Variants in LPP observed in about 807,000 individuals in gnomAD.
The protein encoded by LPP is LIM domain containing preferred translocation partner in lipoma.
In LPP, 38 loss-of-function variants were observed where a neutral mutation model predicts 60.4. That is an observed-to-expected ratio of 0.63 (90% CI 0.49 to 0.83). The LOEUF is 0.83. LPP is among the 40% of genes least tolerant of loss of function. LPP has a pLI of 0.00. For missense variants in LPP, 902 were observed against 783.6 expected (o/e 1.15, Z -1.80); for synonymous variants, 328 against 290.8 (o/e 1.13, Z -1.30).
At chr3:188,187,471 T>C (rs1726942213) in intron 1 of LPP, among the ~76,000 whole-genome samples, 1 of 152,138 alleles carries the variant, frequency 6.6e-6, no homozygotes, top group Admixed American at 6.5e-5. Context: ...AAGCTTCTTA[T>C]TATAATTTCT....
intron 6 of LPP, among the ~76,000 whole-genome samples, chr3:188,586,382 C>T (rs1022968889): frequency 6.6e-5 from 10 of 152,104 alleles, no homozygotes; most frequent in Non-Finnish European, 1.2e-4. Flanking sequence ...CTGCAGGGAA[C>T]AGTACAAGCA....
chr3:188,331,254 A>C lies in LPP; in HGVS notation c.-66-10409A>C, dbSNP rs187829497. ...TATCTGGAGATCTGAGCTTTTATGT[A>C]TCTCCCACTATTGGGCTGCTAAATC... On this transcript the variant is annotated intron_variant, in intron 2 of 11. Transcript: ENST00000617246. Among the ~76,000 whole-genome samples, 36 of 152,134 alleles carry C rather than the reference A, an allele frequency of 2.4e-4. 1 individual carries two copies. Among genetic ancestry groups the C allele is most frequent in the African/African-American group, 8.4e-4 (35 of 41,506 alleles).
intron 6 of LPP, among the ~76,000 whole-genome samples, chr3:188,597,987 G>T (rs1451006369): frequency 6.6e-6 from 1 of 152,076 alleles, no homozygotes; most frequent in Non-Finnish European, 1.5e-5. Flanking sequence ...CTATTAAAGA[G>T]ACATTAATGG....
intron 9 of LPP, among the ~76,000 whole-genome samples, chr3:188,843,884 G>C (rs73199032): frequency 0.12 from 18,011 of 151,614 alleles, 1,532 homozygotes; most frequent in Non-Finnish European, 0.18. Flanking sequence ...CAAAGCATTG[G>C]ATTACTTGAG....
intron 4 of LPP, among the ~76,000 whole-genome samples, chr3:188,437,472 G>A (rs1792620674): frequency 6.6e-6 from 1 of 152,172 alleles, no homozygotes. Context: ...GTACACAAAT[G>A]ACTTTATAAC....
At chr3:188,353,211 G>A (rs2150834040) in intron 3 of LPP, among the ~76,000 whole-genome samples, 1 of 152,254 alleles carries the variant, frequency 6.6e-6, no homozygotes, top group South Asian at 2.1e-4. Flanking sequence ...ACTTAAATGG[G>A]CCTTTCTCCC....
intron 9 of LPP, among the ~76,000 whole-genome samples, chr3:188,857,492 G>A (rs935291499): frequency 6.6e-6 from 1 of 152,184 alleles, no homozygotes; most frequent in Non-Finnish European, 1.5e-5. Context: ...GATTGCTCTG[G>A]AGATTAGACG....
intron 3 of LPP, among the ~76,000 whole-genome samples, chr3:188,365,971 G>T (rs950574355): frequency 3.9e-5 from 6 of 152,104 alleles, no homozygotes; most frequent in African/African-American, 1.4e-4. Context: ...TACAGCCACC[G>T]CACTGTGTAT....
chr3:188,423,004 G>T (rs1471027994), intron 4 of LPP, among the ~76,000 whole-genome samples: 1 of 150,604 alleles, frequency 6.6e-6, no homozygotes, highest in African/African-American at 2.4e-5. Flanking sequence ...GAACGTGCAG[G>T]TTTGTTACAT....
chr3:188,253,854 A>AT (rs1451835828), intron 2 of LPP, among the ~76,000 whole-genome samples: 1 of 152,010 alleles, frequency 6.6e-6, no homozygotes, highest in African/African-American at 2.4e-5. Context: ...GGCTGCATAA[A>AT]TTTTCTGTGA....
chr3:188,852,307 T>G (rs1255951692), intron 9 of LPP, among the ~76,000 whole-genome samples: 1 of 152,206 alleles, frequency 6.6e-6, no homozygotes, highest in Non-Finnish European at 1.5e-5. Context: ...GAACAGCTAG[T>G]CTGGAACAAC....
intron 9 of LPP, among the ~76,000 whole-genome samples, chr3:188,781,680 G>A (rs898337500): frequency 9.2e-5 from 14 of 151,438 alleles, no homozygotes; most frequent in African/African-American, 3.4e-4. Flanking sequence ...TCAGGAGATC[G>A]AGATCATCCT....
At chr3:188,810,952 G>A (rs114332781) in intron 9 of LPP, among the ~76,000 whole-genome samples, 3,140 of 152,116 alleles carry the variant, frequency 0.021, 50 homozygotes, top group Non-Finnish European at 0.035. Flanking sequence ...TTAGGTTCAT[G>A]ACAACAAGGA....
chr3:188,189,963 A>G (rs1257336785), intron 1 of LPP, among the ~76,000 whole-genome samples: 1 of 151,668 alleles, frequency 6.6e-6, no homozygotes, highest in African/African-American at 2.4e-5. Flanking sequence ...GCAGGCACGT[A>G]TTGGGTGCAT....
chr3:188,455,541 A>T (rs1797544740), intron 4 of LPP, among the ~76,000 whole-genome samples: 1 of 152,220 alleles, frequency 6.6e-6, no homozygotes, highest in South Asian at 2.1e-4. Context: ...CATTTGAGTC[A>T]GTGCTATTTT....
chr3:188,697,387 T>C (rs1038554699), intron 7 of LPP, among the ~76,000 whole-genome samples: 1 of 152,214 alleles, frequency 6.6e-6, no homozygotes. Flanking sequence ...AGCGTCATAT[T>C]TGCATATTAA....
intron 9 of LPP, among the ~76,000 whole-genome samples, chr3:188,807,952 A>C (rs1206261167): frequency 6.6e-6 from 1 of 152,178 alleles, no homozygotes; most frequent in Non-Finnish European, 1.5e-5. Flanking sequence ...ATTATATAGG[A>C]TAATAAAGAT....
At chr3:188,431,052 C>A (rs1280918793) in intron 4 of LPP, among the ~76,000 whole-genome samples, 1 of 152,018 alleles carries the variant, frequency 6.6e-6, no homozygotes, top group African/African-American at 2.4e-5. Context: ...TATTCCTAAG[C>A]AGCTTATCTC....
intron 8 of LPP, among the ~76,000 whole-genome samples, chr3:188,748,391 A>G (rs546277810): frequency 3.9e-4 from 60 of 152,316 alleles, no homozygotes; most frequent in African/African-American, 1.3e-3. Context: ...AGCTTACTCA[A>G]AGTCACAGTT....
Sources: gnomAD v4.1 joint callset for allele counts (sites outside exome capture counted in the v4.1 genomes callset) on GRCh38, gnomAD v4.1.1 for gene constraint, MANE v1.5 for transcripts, NCBI Gene and HGNC (gene_info 2026-07-23, HGNC 2026-07-21) for gene names.